Variants in B3GAT2 observed in about 807,000 individuals in gnomAD.
B3GAT2 encodes galactosylgalactosylxylosylprotein 3-beta-glucuronosyltransferase 2.
A neutral mutation model predicts 27.8 loss-of-function variants in B3GAT2; 26 were observed. That is an observed-to-expected ratio of 0.93 (90% confidence interval 0.68 to 1.30). B3GAT2 has a LOEUF of 1.30. B3GAT2 is among the 50% of genes most tolerant of loss of function. B3GAT2 has a pLI of 0.00. For missense variants in B3GAT2, 458 were observed against 459.0 expected (o/e 1.00, Z 0.02); for synonymous variants, 218 against 195.1 (o/e 1.12, Z -0.98).
At chr6:70,941,366 C>T (rs187146151) in intron 1 of B3GAT2, among the ~76,000 whole-genome samples, 6 of 152,228 alleles carry the variant, frequency 3.9e-5, no homozygotes, top group Admixed American at 2.0e-4. Context: ...AACAATCACT[C>T]GAGGCAGTCA....
chr6:70,862,042 T>C (rs1030984322), intron 2 of B3GAT2, 64 bp from the exon 3 acceptor site: 2 of 1,475,354 alleles, frequency 1.4e-6, no homozygotes, highest in Admixed American at 2.4e-5. Context: ...TTTTTTTCTG[T>C]ATAATTTTGG....
intron 2 of B3GAT2, among the ~76,000 whole-genome samples, chr6:70,873,839 A>AT (rs755662112): frequency 6.6e-6 from 1 of 151,872 alleles, no homozygotes; most frequent in African/African-American, 2.4e-5. Context: ...CCTCTATTGA[A>AT]TTTTTTGTTT....
At chr6:70,935,308 G>T (rs1773126435) in intron 1 of B3GAT2, among the ~76,000 whole-genome samples, 1 of 151,794 alleles carries the variant, frequency 6.6e-6, no homozygotes, top group African/African-American at 2.4e-5. Context: ...ATAAAAATTA[G>T]CCAGGTATGG....
Position 70,927,397 on chromosome 6 carries a change from T to A in B3GAT2, c.591+28442A>T, listed in dbSNP as rs565374519. ...ACAGACTGGCAAATTGGATAAAGAG[T>A]CAAGACCCATCAGTGTGCTGTATTC... is the stretch of plus-strand genomic sequence containing the variant. On this transcript the variant is annotated intron_variant, in intron 1 of 3. Coordinates refer to ENST00000230053, the MANE Select transcript of B3GAT2 (RefSeq NM_080742.3). Among the ~76,000 whole-genome samples the A allele has an allele frequency of 2.0e-5, 3 of 151,694 alleles. No individual in the cohort carries two copies. The South Asian group carries it at 6.3e-4, about 32-fold the overall frequency.
intron 1 of B3GAT2, among the ~76,000 whole-genome samples, chr6:70,911,843 T>C (rs1186402111): frequency 6.6e-6 from 1 of 152,212 alleles, no homozygotes; most frequent in Non-Finnish European, 1.5e-5. Flanking sequence ...TTTGTAATTC[T>C]CAATCTAGAA....
rs76597607 is a variant in B3GAT2, at chr6:70,932,607, G to C, written c.591+23232C>G. 1.1e-3 allele frequency among the ~76,000 whole-genome samples: 170 copies of C among 152,212 alleles called. 2 individuals carry two copies. Among genetic ancestry groups the C allele is most frequent in the African/African-American group, 3.8e-3 (159 of 41,550 alleles). ...AGTCCGATTCATGGAAAAGAGATTA[G>C]AGGTTATCAGGTTAAATGAATAATT... On this transcript the variant is annotated intron_variant, in intron 1 of 3. Transcript: ENST00000230053.
At chr6:70,948,355 C>T (rs1045893704) in intron 1 of B3GAT2, among the ~76,000 whole-genome samples, 7 of 147,816 alleles carry the variant, frequency 4.7e-5, no homozygotes, top group Non-Finnish European at 7.5e-5. Context: ...CAAAAATCTC[C>T]TTAAGCTGAT....
chr6:70,868,172 A>T (rs1716007), intron 2 of B3GAT2, among the ~76,000 whole-genome samples: 1 of 152,050 alleles, frequency 6.6e-6, no homozygotes, highest in Admixed American at 6.6e-5. Flanking sequence ...CTTAATAAGG[A>T]CATCTACAAA....
intron 1 of B3GAT2, among the ~76,000 whole-genome samples, chr6:70,946,349 A>G (rs1304931275): frequency 6.6e-6 from 1 of 152,126 alleles, no homozygotes; most frequent in African/African-American, 2.4e-5. Context: ...TCACGTGCAG[A>G]GACACACATA....
intron 2 of B3GAT2, among the ~76,000 whole-genome samples, 154 bp downstream of exon 2, chr6:70,893,974 T>G (rs553748813): frequency 6.6e-6 from 1 of 152,296 alleles, no homozygotes; most frequent in South Asian, 2.1e-4. Context: ...AAGAGCCTAT[T>G]TTGAAGGTTT....
intron 1 of B3GAT2, among the ~76,000 whole-genome samples, chr6:70,930,749 C>T (rs754122114): frequency 7.2e-5 from 11 of 152,106 alleles, no homozygotes; most frequent in East Asian, 1.9e-4. Context: ...AGTGTAAACT[C>T]GTTCAACCAT....
intron 1 of B3GAT2, among the ~76,000 whole-genome samples, chr6:70,917,365 AT>A (rs879517057): frequency 5.4e-4 from 82 of 151,152 alleles, no homozygotes; most frequent in African/African-American, 1.7e-3. Flanking sequence ...GGGTTCATTG[AT>A]TTTTTTTAAG....
chr6:70,886,870 T>C lies in B3GAT2; in HGVS notation c.736+7258A>G, dbSNP rs1038295446. Among the ~76,000 whole-genome samples, 7 of 152,148 alleles carry C rather than the reference T, an allele frequency of 4.6e-5. No individual in the cohort carries two copies. In the East Asian group the frequency reaches 9.6e-4, roughly 21 times the overall value. On this transcript the variant is annotated intron_variant, in intron 2 of 3. Coordinates refer to ENST00000230053, the MANE Select transcript of B3GAT2 (RefSeq NM_080742.3). ...TATTGCCCCAACACTCTGCCACCTG[T>C]CCCTGTGGTTCTATAAGTTGTTGGG...
Position 70,944,562 on chromosome 6 carries a change from G to A in B3GAT2, c.591+11277C>T, listed in dbSNP as rs568264743. The stretch of plus-strand genomic sequence containing the variant: ...CAGGCTTGCTTAGGTAAACAAAGCA[G>A]CTGGGAAGCTCCAACTGGGTGGAGG... On this transcript the variant is annotated intron_variant, in intron 1 of 3. Transcript: ENST00000230053. Among the ~76,000 whole-genome samples the A allele has an allele frequency of 3.9e-5, 6 of 152,314 alleles. No individual in the cohort carries two copies. In the South Asian group the frequency reaches 1.2e-3, roughly 32 times the overall value.
chr6:70,881,280 G>C (rs1772095306), intron 2 of B3GAT2, among the ~76,000 whole-genome samples: 1 of 152,082 alleles, frequency 6.6e-6, no homozygotes, highest in Non-Finnish European at 1.5e-5. Context: ...ACAGCTGCTG[G>C]CTCTTGTTTT....
At chr6:70,893,407 T>G (rs1339989891) in intron 2 of B3GAT2, among the ~76,000 whole-genome samples, 1 of 151,432 alleles carries the variant, frequency 6.6e-6, no homozygotes, top group East Asian at 1.9e-4. Flanking sequence ...TCACCGAATT[T>G]TTTTTTTTTT....
intron 2 of B3GAT2, among the ~76,000 whole-genome samples, chr6:70,886,935 G>GT (rs1772198129): frequency 6.6e-6 from 1 of 152,114 alleles, no homozygotes; most frequent in Non-Finnish European, 1.5e-5. Flanking sequence ...TCCTCTCCCG[G>GT]TGACAATCAC....
chr6:70,910,893 C>G (rs1240152839), intron 1 of B3GAT2, among the ~76,000 whole-genome samples: 2 of 152,050 alleles, frequency 1.3e-5, no homozygotes, highest in Admixed American at 6.6e-5. Flanking sequence ...TGGTATCTCA[C>G]TGTGGTTTTA....
At chr6:70,934,191 T>TA (rs1260281060) in intron 1 of B3GAT2, among the ~76,000 whole-genome samples, 1 of 152,214 alleles carries the variant, frequency 6.6e-6, no homozygotes, top group East Asian at 1.9e-4. Flanking sequence ...GAGTGCATGA[T>TA]ACCTGAATGC....
Sources: gnomAD v4.1 joint callset for allele counts (sites outside exome capture counted in the v4.1 genomes callset) on GRCh38, gnomAD v4.1.1 for gene constraint, MANE v1.5 for transcripts, NCBI Gene and HGNC (gene_info 2026-07-23, HGNC 2026-07-21) for gene names.